Variants in SLC8A1 observed in about 807,000 individuals in gnomAD.
The protein encoded by SLC8A1 is sodium/calcium exchanger 1.
A neutral mutation model predicts 68.3 loss-of-function variants in SLC8A1; 18 were observed. The ratio of observed to expected loss-of-function variants is 0.26; its 90% confidence interval spans 0.18 to 0.39. SLC8A1 has a LOEUF of 0.39. Among genes scored for constraint, SLC8A1 ranks in the 10% least tolerant of loss-of-function variants. The pLI is 1.00. For synonymous variants in SLC8A1, 475 were observed against 415.5 expected, an observed-to-expected ratio of 1.14 and a Z score of -1.74; for missense variants, 985 against 1,156.7, an observed-to-expected ratio of 0.85 and a Z score of 2.15.
In SLC8A1 at chr2:40,153,075, T is replaced by A. The variant is rs2043762364; in HGVS notation, c.2161+7690A>T. Among the ~76,000 whole-genome samples, 8 of 152,200 alleles carry A rather than the reference T, an allele frequency of 5.3e-5. No homozygotes were observed. In the South Asian group the frequency reaches 1.7e-3, roughly 31 times the overall value. ...AGAAAATGTCCTAAATGTAATGAAC[T>A]AGCTTACATTTTAAAAAAATATCAC... On this transcript the variant is annotated intron_variant, in intron 6 of 7. Transcript: ENST00000406785.
intron 1 of SLC8A1, among the ~76,000 whole-genome samples, chr2:40,437,256 G>A (rs1341263817): frequency 6.6e-6 from 1 of 152,134 alleles, no homozygotes; most frequent in Non-Finnish European, 1.5e-5. Flanking sequence ...GAGAGCTCAA[G>A]ATTTAGGTAC....
At position 40,115,641 on chromosome 2, in the gene SLC8A1, G is replaced by A; in HGVS notation, c.2438-12C>T. The A allele has an allele frequency of 6.3e-7, 1 of 1,599,304 alleles. No homozygotes were observed. The highest frequency in any genetic ancestry group is 2.2e-5 in the East Asian group (1 of 44,794). ...GCTGGCAAATGTGTCTGCAGAGGAA[G>A]AAGAGAAAGTCAATGACACTCAATC... On this transcript the variant is annotated splice_polypyrimidine_tract_variant and intron_variant, in intron 7 of 7. Coordinates refer to ENST00000406785, the Ensembl canonical transcript of SLC8A1.
At chr2:40,496,847 T>A (rs1229433578) in intron 1 of SLC8A1, among the ~76,000 whole-genome samples, 1 of 145,360 alleles carries the variant, frequency 6.9e-6, no homozygotes, top group African/African-American at 2.6e-5. Context: ...CACCGCATAT[T>A]CTCACTCATA....
intron 2 of SLC8A1, among the ~76,000 whole-genome samples, chr2:40,212,639 A>ATCT (rs1281958582): frequency 6.6e-6 from 1 of 152,120 alleles, no homozygotes; most frequent in Non-Finnish European, 1.5e-5. Flanking sequence ...AGATCTATAA[A>ATCT]TCTGCTGCCT....
chr2:40,150,947 C>G (rs2043304406), intron 6 of SLC8A1, among the ~76,000 whole-genome samples: 1 of 152,194 alleles, frequency 6.6e-6, no homozygotes, highest in African/African-American at 2.4e-5. Context: ...TGCTCACCTA[C>G]TAGTATGTCC....
exon 5 of SLC8A1, chr2:40,164,894 G>C: frequency 6.2e-7 from 1 of 1,613,950 alleles, no homozygotes. Flanking sequence ...TTCCAACTTG[G>C]TGTGCTCTCC....
intron 7 of SLC8A1, among the ~76,000 whole-genome samples, chr2:40,117,498 G>A (rs1470070340): frequency 3.3e-5 from 5 of 150,582 alleles, no homozygotes; most frequent in Non-Finnish European, 5.9e-5. Flanking sequence ...CCGGGAGGTG[G>A]AGGTTGCAAT....
In SLC8A1 at chr2:40,237,529, A is replaced by C. The variant is rs531066100; in HGVS notation, c.1809-59674T>G. On this transcript the variant is annotated intron_variant, in intron 2 of 7. Coordinates refer to ENST00000406785, the Ensembl canonical transcript of SLC8A1. ...TTCTAAATTTTTTTCAAAGTTTTCA[A>C]CTTCTTTGCCTTTGGTTTGAATGTC... Among the ~76,000 whole-genome samples the C allele has an allele frequency of 1.1e-4, 17 of 151,752 alleles. No homozygotes were observed. The South Asian group carries it at 3.6e-3, about 32-fold the overall frequency.
At chr2:40,203,399 GC>G (rs2148722553) in intron 2 of SLC8A1, among the ~76,000 whole-genome samples, 1 of 152,052 alleles carries the variant, frequency 6.6e-6, no homozygotes, top group African/African-American at 2.4e-5. Context: ...ATAACATTGT[GC>G]TAATATTGGT....
chr2:40,237,392 T>C (rs557316381), intron 2 of SLC8A1, among the ~76,000 whole-genome samples: 4 of 152,312 alleles, frequency 2.6e-5, no homozygotes, highest in South Asian at 4.2e-4. Flanking sequence ...TCCAGTTGAT[T>C]GCATCAGCTC....
chr2:40,348,438 T>C (rs1670016872), intron 2 of SLC8A1, among the ~76,000 whole-genome samples: 1 of 152,188 alleles, frequency 6.6e-6, no homozygotes, highest in Non-Finnish European at 1.5e-5. Context: ...ACATTTTAAA[T>C]GCCAAACCCA....
intron 2 of SLC8A1, among the ~76,000 whole-genome samples, chr2:40,353,064 G>A (rs1316777065): frequency 1.3e-5 from 2 of 152,150 alleles, no homozygotes; most frequent in East Asian, 1.9e-4. Flanking sequence ...TTGCTTTTGT[G>A]TTCAACTTCT....
At chr2:40,323,487 C>G (rs1239695923) in intron 2 of SLC8A1, among the ~76,000 whole-genome samples, 1 of 152,124 alleles carries the variant, frequency 6.6e-6, no homozygotes, top group Non-Finnish European at 1.5e-5. Flanking sequence ...AATCTGGATT[C>G]TGACTTACTT....
At chr2:40,480,621 G>T (rs1704568767) in intron 1 of SLC8A1, among the ~76,000 whole-genome samples, 1 of 152,182 alleles carries the variant, frequency 6.6e-6, no homozygotes, top group South Asian at 2.1e-4. Context: ...ACTTTGCTTA[G>T]ATTAAGGAGG....
upstream of SLC8A1, among the ~76,000 whole-genome samples, chr2:40,456,979 T>A (rs1157859104): frequency 6.6e-6 from 1 of 152,182 alleles, no homozygotes; most frequent in Non-Finnish European, 1.5e-5. Flanking sequence ...GTGTGGTTAG[T>A]GATTGATTAA....
intron 2 of SLC8A1, among the ~76,000 whole-genome samples, chr2:40,369,942 A>G (rs1373178019): frequency 6.6e-6 from 1 of 152,150 alleles, no homozygotes; most frequent in East Asian, 1.9e-4. Context: ...TTTGTTTTTA[A>G]TATCTTTGTA....
At chr2:40,449,663 TATA>T (rs1322422046) in intron 1 of SLC8A1, among the ~76,000 whole-genome samples, 3 of 135,202 alleles carry the variant, frequency 2.2e-5, no homozygotes, top group Non-Finnish European at 3.1e-5. Flanking sequence ...GGAACCACTA[TATA>T]ATAATATTAA....
intron 1 of SLC8A1, among the ~76,000 whole-genome samples, chr2:40,496,813 C>G (rs1364537644): frequency 6.6e-6 from 1 of 150,928 alleles, no homozygotes; most frequent in Non-Finnish European, 1.5e-5. Flanking sequence ...TCTCAGTAAA[C>G]TACCGCAAGA....
chr2:40,387,793 C>T lies in SLC8A1; in HGVS notation c.1808+40680G>A, dbSNP rs187586210. Among the ~76,000 whole-genome samples, 1,324 of 151,762 alleles carry T rather than the reference C, an allele frequency of 8.7e-3. 69 individuals carry two copies. Among genetic ancestry groups the T allele is most frequent in the Admixed American group, 0.077 (1,166 of 15,222 alleles). On this transcript the variant is annotated intron_variant, in intron 2 of 7. Transcript: ENST00000406785. ...TCTCTACTAAAAACACAAAAATTAGCGGGTGTGGTGGCATGTGCCTGTAAT... is the reference window on the plus strand; with the variant it reads ...TCTCTACTAAAAACACAAAAATTAGTGGGTGTGGTGGCATGTGCCTGTAAT...
Sources: allele counts gnomAD v4.1 joint callset (sites outside exome capture counted in the v4.1 genomes callset), GRCh38; gene constraint gnomAD v4.1.1; transcripts MANE v1.5; gene names NCBI Gene and HGNC (gene_info 2026-07-23, HGNC 2026-07-21).